Variants in PARP14 observed in about 807,000 individuals in gnomAD.
PARP14 encodes the protein poly(ADP-ribose) polymerase family member 14.
Under a neutral mutation model 154.2 loss-of-function variants are expected in PARP14, and 59 were observed. The observed-to-expected ratio is 0.38, with a 90% confidence interval of 0.31 to 0.48. The LOEUF (loss-of-function observed/expected upper bound fraction) is 0.48, where lower values mean the gene tolerates loss of function less well. PARP14 is among the 20% of genes least tolerant of loss of function. The pLI is 0.98. For synonymous variants in PARP14, 720 were observed against 780.5 expected (o/e 0.92, Z 1.29); for missense variants, 1,734 against 2,131.6 (o/e 0.81, Z 3.67).
At chr3:122,706,493 A>G (rs1234109020) in intron 8 of PARP14, among the ~76,000 whole-genome samples, 2 of 152,204 alleles carry the variant, frequency 1.3e-5, no homozygotes, top group Admixed American at 6.5e-5. Flanking sequence ...AAAACTCTAG[A>G]TATTCACTAC....
chr3:122,721,038 AATT>A (rs1340162479), intron 15 of PARP14: 3 of 319,620 alleles, frequency 9.4e-6, no homozygotes, highest in Admixed American at 4.7e-5. Flanking sequence ...TCTCTAGCAA[AATT>A]ATTATGATTT....
At position 122,704,029 on chromosome 3, in the gene PARP14, T is replaced by C. The variant is rs140498011; in HGVS notation, c.3318+51T>C. ...TGAAGTTGGGTAGCCCTTTGGGTTC[T>C]CCTTTTAGTAGCATATTAATTGGAC... is the stretch of plus-strand genomic sequence containing the variant. On this transcript the variant is annotated intron_variant, in intron 7 of 16. Transcript: ENST00000474629. 3,125 of 1,209,900 alleles carry C rather than the reference T, an allele frequency of 2.6e-3. 8 individuals carry two copies. Among genetic ancestry groups the C allele is most frequent in the Admixed American group, 3.5e-3 (202 of 57,726 alleles). The allele number at this position is 1,209,900 out of a possible 1,614,324, so 74.9% of individuals were successfully genotyped here.
At chr3:122,724,644 A>ATT (rs1933244253) in intron 15 of PARP14, among the ~76,000 whole-genome samples, 1 of 151,048 alleles carries the variant, frequency 6.6e-6, no homozygotes, top group Admixed American at 6.6e-5. Context: ...TTGAAAAAAA[A>ATT]ATTTTTTTTT....
In PARP14 at chr3:122,692,383, T is replaced by C. The variant is rs1265017125; in HGVS notation, c.438T>C (p.Asn146=). The C allele has an allele frequency of 3.1e-6, 5 of 1,613,356 alleles. No homozygotes were observed. Among genetic ancestry groups the C allele is most frequent in the Non-Finnish European group, 1.7e-6 (2 of 1,179,328 alleles). ...KMEDIPEECE[N]ISSLVAFENL... is the part of the protein sequence containing the mutation. ...AAGATATCCCAGAGGAATGTGAAAA[T>C]ATTTCCTCTTTGGTGGCATTTGAAA... Residue 146 remains asparagine (N), a synonymous_variant, in exon 4 of 17, where the codon AAT becomes AAC. Transcript: ENST00000474629.
intron 2 of PARP14, among the ~76,000 whole-genome samples, chr3:122,685,966 G>A (rs1333576507): frequency 1.3e-5 from 2 of 151,956 alleles, no homozygotes; most frequent in African/African-American, 4.8e-5. Context: ...GTCATTTTGA[G>A]GAGACAGCAA....
chr3:122,686,834 A>G (rs1464792809), intron 2 of PARP14: 3 of 463,518 alleles, frequency 6.5e-6, no homozygotes, highest in Non-Finnish European at 1.1e-5. Flanking sequence ...TGTACCTCAT[A>G]TTCCCAAATG....
chr3:122,728,048 C>A, intron 16 of PARP14, 62 bp downstream of exon 16: 1 of 1,471,732 alleles, frequency 6.8e-7, no homozygotes, highest in Non-Finnish European at 9.3e-7. Context: ...CCCGAGTTGG[C>A]TGGGACAGTG....
At chr3:122,725,527 T>C (rs1933267166) in intron 15 of PARP14, among the ~76,000 whole-genome samples, 2 of 152,220 alleles carry the variant, frequency 1.3e-5, no homozygotes, top group Non-Finnish European at 2.9e-5. Context: ...TTTCATCCTA[T>C]AGAATACATA....
At chr3:122,692,658 G>A in intron 4 of PARP14, 115 bp downstream of exon 4, 1 of 810,576 alleles carries the variant, frequency 1.2e-6, no homozygotes, top group Middle Eastern at 2.4e-4. Context: ...GCTACTAAGA[G>A]AGGTTTCCAA....
chr3:122,708,095 ATATG>A, intron 8 of PARP14, 91 bp from the exon 9 acceptor site: 1 of 620,374 alleles, frequency 1.6e-6, no homozygotes. Context: ...TATCTCCCAA[ATATG>A]TATGTGTGCA....
intron 5 of PARP14, among the ~76,000 whole-genome samples, chr3:122,697,742 G>A (rs13076828): frequency 0.087 from 13,244 of 152,262 alleles, 669 homozygotes; most frequent in East Asian, 0.13. Context: ...ACCTATGTCT[G>A]TAAGATCTTT....
chr3:122,730,516 T>G lies in PARP14; in HGVS notation c.*1919T>G, dbSNP rs1359559695. On this transcript the variant is annotated 3_prime_UTR_variant, in exon 17 of 17. Coordinates refer to ENST00000474629, the MANE Select transcript of PARP14 (RefSeq NM_017554.3). ...GGCCACAGTTGCTGCTTCATTAACA[T>G]AGAGGTTTTGGATTTTTTTCTCTTG... 1 of 152,300 alleles carries G rather than the reference T, an allele frequency of 6.6e-6. No homozygotes were observed. Among genetic ancestry groups the G allele is most frequent in the Non-Finnish European group, 1.5e-5 (1 of 68,040 alleles). 9.4% of individuals were successfully genotyped at this position (152,300 alleles called of 1,614,324 possible). A position where few individuals can be genotyped will look rare whatever the true frequency, so the allele number is the denominator to read the frequency against.
intron 14 of PARP14, 136 bp downstream of exon 14, chr3:122,719,094 T>C: frequency 1.1e-6 from 1 of 897,476 alleles, no homozygotes; most frequent in East Asian, 2.8e-5. Context: ...AAATGTGGCC[T>C]CTGCGCTTAA....
chr3:122,716,360 G>A lies in PARP14; in HGVS notation c.4001-1711G>A, dbSNP rs1486351520. Among the ~76,000 whole-genome samples, 8 of 152,038 alleles carry A rather than the reference G, an allele frequency of 5.3e-5. No homozygotes were observed. In the South Asian group the frequency reaches 8.3e-4, roughly 16 times the overall value. On this transcript the variant is annotated intron_variant, in intron 12 of 16. Coordinates refer to ENST00000474629, the MANE Select transcript of PARP14 (RefSeq NM_017554.3). ...TTGACTCTACCCTCTTCGTCACTCC[G>A]ATCTTCATTAGCTTAGGAATTATTT... is the stretch of plus-strand genomic sequence containing the variant.
At chr3:122,695,384 A>G (rs1159574759) in intron 4 of PARP14, 42 bp from the exon 5 acceptor site, 8 of 1,005,616 alleles carry the variant, frequency 8.0e-6, no homozygotes, top group Non-Finnish European at 1.2e-5. Flanking sequence ...AAGATACAAT[A>G]AAAATTTACT....
rs562426163 is a variant in PARP14, at chr3:122,701,699, C to T, written c.3081+64C>T. 3.2e-5 allele frequency: 37 copies of T among 1,168,046 alleles called. No individual in the cohort carries two copies. Among genetic ancestry groups the T allele is most frequent in the Non-Finnish European group, 4.1e-5 (34 of 835,900 alleles). The allele number at this position is 1,168,046 out of a possible 1,614,324, so 72.4% of individuals were successfully genotyped here. On this transcript the variant is annotated intron_variant, in intron 6 of 16. Coordinates refer to ENST00000474629, the MANE Select transcript of PARP14 (RefSeq NM_017554.3). The surrounding 1 kb of genome is among the most constrained non-coding windows in gnomAD (Gnocchi z 4.0). ...GACTTTACTTAGTCAGTGGCTCTCT[C>T]ATGGAGGGCTGAAGAAAGATAAGGA...
chr3:122,720,796 CTT>C (rs1335045095), intron 15 of PARP14: 1 of 457,418 alleles, frequency 2.2e-6, no homozygotes, highest in Non-Finnish European at 4.4e-6. Context: ...GCCAGCAGGC[CTT>C]TTCTCGTTTA....
At chr3:122,696,400 G>A (rs192481843) in intron 5 of PARP14, among the ~76,000 whole-genome samples, 21 of 152,272 alleles carry the variant, frequency 1.4e-4, no homozygotes, top group East Asian at 1.3e-3. Context: ...GAGAGAAGTT[G>A]TTTCAACAAG....
chr3:122,702,967 G>A (rs1362232351), intron 6 of PARP14, among the ~76,000 whole-genome samples: 1 of 147,378 alleles, frequency 6.8e-6, no homozygotes, highest in Admixed American at 6.8e-5. Context: ...CTCCAGCCTG[G>A]GTGGACAGAG....
Sources: allele counts gnomAD v4.1 joint callset (sites outside exome capture counted in the v4.1 genomes callset), GRCh38; gene constraint gnomAD v4.1.1; non-coding constraint Gnocchi (gnomAD v3.1); transcripts MANE v1.5; gene names NCBI Gene and HGNC (gene_info 2026-07-23, HGNC 2026-07-21).